The following ZSWIM6 variants were observed in gnomAD, a reference collection of about 807,000 sequenced individuals.
The protein encoded by ZSWIM6 is zinc finger SWIM domain-containing protein 6.
Under a neutral mutation model 113.2 loss-of-function variants are expected in ZSWIM6, and 9 were observed. The ratio of observed to expected loss-of-function variants is 0.08; its 90% CI spans 0.05 to 0.14. The LOEUF is 0.14. Ranked by LOEUF, ZSWIM6 falls within the 10% of genes least tolerant of loss-of-function variation. The pLI is 1.00. For missense variants in ZSWIM6, 1,162 were observed against 1,552.2 expected (o/e 0.75, Z 4.22); for synonymous variants, 611 against 606.5 (o/e 1.01, Z -0.11).
At chr5:61,431,762 A>G (rs1330108613) in intron 1 of ZSWIM6, among the ~76,000 whole-genome samples, 1 of 152,152 alleles carries the variant, frequency 6.6e-6, no homozygotes, top group Admixed American at 6.5e-5. Flanking sequence ...ACAAAACAAA[A>G]AAACAAAAAA....
rs911671235 is a variant in ZSWIM6 at position 61,341,862 on chromosome 5, C to T, written c.676+8914C>T. The stretch of plus-strand genomic sequence containing the variant: ...ATGATGTGGTCTCCAAACTGTAGTA[C>T]TCTCTGTAACCTTTTTTTTTTTTTT... On this transcript the variant is annotated intron_variant, in intron 1 of 13. Transcript: ENST00000252744. Among the ~76,000 whole-genome samples the T allele has an allele frequency of 2.6e-4, 38 of 147,812 alleles. 1 individual carries two copies. Among genetic ancestry groups the T allele is most frequent in the Non-Finnish European group, 6.0e-5 (4 of 67,026 alleles).
intron 1 of ZSWIM6, among the ~76,000 whole-genome samples, chr5:61,458,232 A>G (rs149527415): frequency 0.019 from 2,827 of 152,310 alleles, 52 homozygotes; most frequent in Non-Finnish European, 0.032. Context: ...CATCCTCAAA[A>G]GTATTTATTA....
At chr5:61,414,478 T>A (rs1746208848) in intron 1 of ZSWIM6, among the ~76,000 whole-genome samples, 1 of 152,178 alleles carries the variant, frequency 6.6e-6, no homozygotes, top group African/African-American at 2.4e-5. Flanking sequence ...GTAAATAGCA[T>A]GGCTGAAATC....
intron 4 of ZSWIM6, among the ~76,000 whole-genome samples, chr5:61,516,475 A>G (rs997367960): frequency 5.5e-5 from 8 of 146,738 alleles, no homozygotes; most frequent in African/African-American, 1.7e-4. Flanking sequence ...ATATATATAT[A>G]TATAGTTTTG....
chr5:61,356,253 C>A (rs1011627686), intron 1 of ZSWIM6, among the ~76,000 whole-genome samples: 2 of 152,186 alleles, frequency 1.3e-5, no homozygotes, highest in Non-Finnish European at 2.9e-5. Context: ...TGCACGCCAC[C>A]ATGCCCAGCT....
At chr5:61,356,248 G>A (rs1221549381) in intron 1 of ZSWIM6, among the ~76,000 whole-genome samples, 2 of 152,162 alleles carry the variant, frequency 1.3e-5, no homozygotes, top group Admixed American at 6.5e-5. Flanking sequence ...ACAGGTGCAC[G>A]CCACCATGCC....
intron 1 of ZSWIM6, among the ~76,000 whole-genome samples, chr5:61,385,781 A>G (rs1296584902): frequency 2.0e-5 from 3 of 152,218 alleles, no homozygotes; most frequent in Admixed American, 6.5e-5. Flanking sequence ...CAGGGTGTGC[A>G]TAATCCTGCT....
intron 1 of ZSWIM6, among the ~76,000 whole-genome samples, chr5:61,462,687 G>A (rs1464237254): frequency 3.3e-5 from 5 of 152,178 alleles, no homozygotes; most frequent in Admixed American, 3.3e-4. Flanking sequence ...AGAGTATGTG[G>A]CATTTCTATT....
At chr5:61,364,098 G>T (rs751565576) in intron 1 of ZSWIM6, among the ~76,000 whole-genome samples, 2 of 148,888 alleles carry the variant, frequency 1.3e-5, no homozygotes, top group African/African-American at 5.0e-5. Context: ...AGGTTGAAAT[G>T]CAGTGGCATG....
intron 2 of ZSWIM6, among the ~76,000 whole-genome samples, chr5:61,479,206 G>A (rs1311251349): frequency 6.6e-6 from 1 of 151,328 alleles, no homozygotes; most frequent in Non-Finnish European, 1.5e-5. Context: ...AACATGGATA[G>A]AATCTCTGAT....
chr5:61,497,387 T>C (rs557114969), intron 4 of ZSWIM6, among the ~76,000 whole-genome samples: 1 of 152,322 alleles, frequency 6.6e-6, no homozygotes, highest in South Asian at 2.1e-4. Context: ...TTCTTTCAAG[T>C]GAATATATGA....
intron 1 of ZSWIM6, among the ~76,000 whole-genome samples, chr5:61,453,218 G>C (rs944865280): frequency 8.6e-5 from 13 of 151,620 alleles, no homozygotes; most frequent in Admixed American, 2.0e-4. Flanking sequence ...GTTTTTAATC[G>C]ACATAAAATT....
chr5:61,527,337 TGTTTTG>T (rs1007814788), intron 7 of ZSWIM6, among the ~76,000 whole-genome samples: 10 of 152,200 alleles, frequency 6.6e-5, no homozygotes, highest in African/African-American at 2.2e-4. Flanking sequence ...GCTGGGTTTT[TGTTTTG>T]GTTTTGGTTT....
chr5:61,471,493 A>G (rs970874502), intron 1 of ZSWIM6, among the ~76,000 whole-genome samples: 7 of 152,184 alleles, frequency 4.6e-5, no homozygotes, highest in Non-Finnish European at 1.0e-4. Flanking sequence ...AGCTAGTGCT[A>G]TCCAAGGGGG....
At chr5:61,496,367 AAG>A (rs1748314917) in intron 4 of ZSWIM6, among the ~76,000 whole-genome samples, 1 of 152,170 alleles carries the variant, frequency 6.6e-6, no homozygotes, top group Non-Finnish European at 1.5e-5. Context: ...TCTCACGTAG[AAG>A]TAACAGTAAG....
Position 61,543,137 on chromosome 5 carries a change from G to C in ZSWIM6, c.2786-318G>C, listed in dbSNP as rs773475927. Among the ~76,000 whole-genome samples the C allele has an allele frequency of 6.6e-6, 1 of 152,154 alleles. No homozygotes were observed. The highest frequency in any genetic ancestry group is 1.5e-5 in the Non-Finnish European group (1 of 68,034). On this transcript the variant is annotated intron_variant, in intron 13 of 13. Transcript: ENST00000252744. This position sits in a 1 kb window ranked among gnomAD's most constrained non-coding sequence, Gnocchi z 4.3. ...TTTGAGCCTCAAATTCTGACAGGAA[G>C]CCCCAGTGAAGTAGAACTCATTAGC...
At chr5:61,364,352 T>G (rs1467921395) in intron 1 of ZSWIM6, among the ~76,000 whole-genome samples, 1 of 152,258 alleles carries the variant, frequency 6.6e-6, no homozygotes, top group African/African-American at 2.4e-5. Context: ...ATCAGAAAAT[T>G]ATGGCCCACA....
chr5:61,507,042 A>G (rs1250268524), intron 4 of ZSWIM6, among the ~76,000 whole-genome samples: 2 of 152,196 alleles, frequency 1.3e-5, no homozygotes, highest in African/African-American at 4.8e-5. Flanking sequence ...GGACTTTCTT[A>G]TTCACCTTTA....
In ZSWIM6 at chr5:61,332,310, G is replaced by C; in HGVS notation, c.38G>C (p.Arg13Pro). ...ERGQQPPPAK[R>P]LCCRPGGGGG... ...GGACAGCAGCCTCCTCCCGCGAAAC[G>C]GCTTTGCTGCCGGCCGGGCGGCGGC... The change falls in exon 1 of 14, where the codon CGG becomes CCG. Residue 13 changes from arginine to proline, a missense_variant. Arg to Pro is a moderately radical substitution (Grantham distance 103). Around this residue, in one of 4 missense-constraint regions of ZSWIM6, gnomAD observed 333 missense variants for 293.4 expected, o/e 1.13. Coordinates refer to ENST00000252744, the MANE Select transcript of ZSWIM6 (RefSeq NM_020928.2). The C allele has an allele frequency of 8.6e-7, 1 of 1,166,456 alleles. No homozygotes were observed. The highest frequency in any genetic ancestry group is 1.1e-6 in the Non-Finnish European group (1 of 946,714). 72.3% of individuals were successfully genotyped at this position (1,166,456 alleles called of 1,614,324 possible).
Sources: gnomAD v4.1 joint callset for allele counts (sites outside exome capture counted in the v4.1 genomes callset) on GRCh38, gnomAD v4.1.1 for gene constraint, gnomAD v4.1.1 regional missense constraint, Gnocchi (gnomAD v3.1) non-coding constraint, MANE v1.5 for transcripts, NCBI Gene and HGNC (gene_info 2026-07-23, HGNC 2026-07-21) for gene names.